Variants in FLT3 observed in about 807,000 individuals in gnomAD.
FLT3 encodes the protein fms related receptor tyrosine kinase 3, also known as receptor-type tyrosine-protein kinase FLT3.
In FLT3, 46 loss-of-function variants were observed where a neutral mutation model predicts 126.6. The ratio of observed to expected loss-of-function variants is 0.36; its 90% CI spans 0.29 to 0.46. The LOEUF (loss-of-function observed/expected upper bound fraction) is 0.46, where lower values mean the gene tolerates loss of function less well. Ranked by LOEUF, FLT3 falls within the 20% of genes least tolerant of loss-of-function variation. FLT3 has a pLI of 1.00. For synonymous variants in FLT3, 404 were observed against 434.4 expected, an observed-to-expected ratio of 0.93 and a Z score of 0.87; for missense variants, 1,069 against 1,190.3, an observed-to-expected ratio of 0.90 and a Z score of 1.50.
Position 28,015,174 on chromosome 13 carries a change from A to G in FLT3, c.2736T>C (p.Phe912=), listed in dbSNP as rs1408724017. 1.2e-6 allele frequency: 2 copies of G among 1,601,472 alleles called. No individual in the cohort carries two copies. The highest frequency in any genetic ancestry group is 1.7e-6 in the Non-Finnish European group (2 of 1,168,782). The part of the protein sequence containing the change: ...IQNGFKMDQP[F]YATEEIYIIM... ...GAACTTACATTTCTTCTGTAGCATAAAATGGCTGATCCATTTTAAATCCAT... is the reference window on the plus strand; with the variant it reads ...GAACTTACATTTCTTCTGTAGCATAGAATGGCTGATCCATTTTAAATCCAT... Residue 912 remains phenylalanine, a synonymous_variant, in exon 22 of 24, where the codon TTT becomes TTC. Coordinates refer to ENST00000241453, the MANE Select transcript of FLT3 (RefSeq NM_004119.3).
At chr13:28,050,039 G>T in intron 6 of FLT3, 56 bp downstream of exon 6, 2 of 1,587,916 alleles carry the variant, frequency 1.3e-6, no homozygotes, top group Non-Finnish European at 1.7e-6. Flanking sequence ...GTTAGTCCCT[G>T]ATAGTTGCTA....
chr13:28,091,798 C>T (rs984591576), intron 1 of FLT3, among the ~76,000 whole-genome samples: 5 of 151,954 alleles, frequency 3.3e-5, no homozygotes, highest in African/African-American at 7.2e-5. Context: ...CCAGGCGTGG[C>T]CAGGATTACG....
chr13:28,071,995 A>G (rs1045281441), intron 1 of FLT3, among the ~76,000 whole-genome samples: 6 of 151,972 alleles, frequency 3.9e-5, no homozygotes, highest in Non-Finnish European at 8.8e-5. Context: ...TAAAGCTCTC[A>G]AAGTTTTACT....
intron 1 of FLT3, among the ~76,000 whole-genome samples, chr13:28,084,846 G>T (rs1593300758): frequency 6.6e-6 from 1 of 151,506 alleles, no homozygotes; most frequent in Non-Finnish European, 1.5e-5. Flanking sequence ...GTGGTGGCGG[G>T]CGCCTGTAGT....
At chr13:28,010,874 A>G (rs7490828) in intron 23 of FLT3, among the ~76,000 whole-genome samples, 40,361 of 151,878 alleles carry the variant, frequency 0.27, 5,447 homozygotes, top group Non-Finnish European at 0.28. Context: ...GTGGTGGCAG[A>G]TGCCTGTAAT....
At chr13:28,049,258 C>T (rs1029094180) in intron 8 of FLT3, 126 bp downstream of exon 8, 12 of 918,392 alleles carry the variant, frequency 1.3e-5, no homozygotes, top group Non-Finnish European at 3.3e-6. Flanking sequence ...GCTATTCTAA[C>T]TCAGTTTCTT....
At chr13:28,036,970 G>A (rs1181230632) in intron 10 of FLT3, among the ~76,000 whole-genome samples, 1 of 152,010 alleles carries the variant, frequency 6.6e-6, no homozygotes. Context: ...AGTGAGACCT[G>A]GTCTTAAAAA....
chr13:28,014,583 A>G (rs925587322), intron 22 of FLT3, 26 bp from the exon 23 acceptor site: 13 of 1,514,820 alleles, frequency 8.6e-6, no homozygotes, highest in Non-Finnish European at 1.1e-5. Flanking sequence ...AACAAGGAAC[A>G]AGATGAAGAA....
At chr13:28,048,783 G>C (rs906777153) in intron 8 of FLT3, among the ~76,000 whole-genome samples, 1 of 152,178 alleles carries the variant, frequency 6.6e-6, no homozygotes. Context: ...ACAAATAAAA[G>C]AGCGATCTGG....
chr13:28,043,521 T>TA (rs1454845462), intron 9 of FLT3, among the ~76,000 whole-genome samples: 2 of 152,180 alleles, frequency 1.3e-5, no homozygotes, highest in Non-Finnish European at 1.5e-5. Flanking sequence ...AACAGATTTT[T>TA]AAAAAATTGT....
chr13:28,082,519 A>G (rs1022125710), intron 1 of FLT3, among the ~76,000 whole-genome samples: 2 of 150,896 alleles, frequency 1.3e-5, no homozygotes, highest in African/African-American at 4.9e-5. Flanking sequence ...TTTTTGAGAC[A>G]TGATCTCACT....
chr13:28,061,840 A>T, intron 3 of FLT3, 27 bp downstream of exon 3: 2 of 1,562,786 alleles, frequency 1.3e-6, no homozygotes. Context: ...ACCACATTTT[A>T]TGTCAAGAAG....
intron 3 of FLT3, among the ~76,000 whole-genome samples, chr13:28,058,842 T>G: frequency 6.6e-6 from 1 of 152,354 alleles, no homozygotes; most frequent in East Asian, 1.9e-4. Flanking sequence ...GATGATATGC[T>G]TTTTTTCTCT....
intron 2 of FLT3, among the ~76,000 whole-genome samples, chr13:28,069,917 C>T (rs892680639): frequency 3.9e-5 from 6 of 152,056 alleles, no homozygotes; most frequent in African/African-American, 1.4e-4. Context: ...AGTTCAAGAT[C>T]AGCCTGGGCA....
intron 23 of FLT3, among the ~76,000 whole-genome samples, chr13:28,013,709 G>C (rs1343261979): frequency 1.3e-5 from 2 of 152,178 alleles, no homozygotes; most frequent in Admixed American, 1.3e-4. Flanking sequence ...ACACAATTGG[G>C]AGACAGAGTG....
chr13:28,021,504 A>C (rs1872384752), intron 19 of FLT3, among the ~76,000 whole-genome samples: 1 of 152,212 alleles, frequency 6.6e-6, no homozygotes, highest in Non-Finnish European at 1.5e-5. Flanking sequence ...CAGGTGGGGA[A>C]AATGAAGAGA....
chr13:28,044,714 C>T (rs1169975572), intron 9 of FLT3, among the ~76,000 whole-genome samples: 1 of 152,144 alleles, frequency 6.6e-6, no homozygotes, highest in Non-Finnish European at 1.5e-5. Context: ...ACCAACAATG[C>T]ACATCATTAG....
chr13:28,070,145 A>G (rs1284234837), intron 2 of FLT3, among the ~76,000 whole-genome samples: 1 of 152,202 alleles, frequency 6.6e-6, no homozygotes, highest in Non-Finnish European at 1.5e-5. Context: ...GGTTACATGC[A>G]AATACCAAGC....
chr13:28,010,708 G>A, intron 23 of FLT3, among the ~76,000 whole-genome samples: 1 of 152,024 alleles, frequency 6.6e-6, no homozygotes, highest in Middle Eastern at 3.2e-3. Context: ...AGTCCTTGAT[G>A]CAGAAACAAA....
Sources: gnomAD v4.1 joint callset for allele counts (sites outside exome capture counted in the v4.1 genomes callset) on GRCh38, gnomAD v4.1.1 for gene constraint, MANE v1.5 for transcripts, NCBI Gene and HGNC (gene_info 2026-07-23, HGNC 2026-07-21) for gene names.